IFNGR1: variants seen among roughly 807,000 people sequenced by gnomAD.
IFNGR1 encodes the protein interferon gamma receptor 1.
A neutral mutation model predicts 35.4 loss-of-function variants in IFNGR1; 23 were observed. The ratio of observed to expected loss-of-function variants is 0.65; its 90% CI spans 0.47 to 0.92. The LOEUF (loss-of-function observed/expected upper bound fraction) is 0.92. Among genes scored for constraint, IFNGR1 ranks in the 40% least tolerant of loss-of-function variants. IFNGR1 has a pLI of 0.00. For synonymous variants in IFNGR1, 199 were observed against 209.5 expected (o/e 0.95, Z 0.43); for missense variants, 533 against 583.4 (o/e 0.91, Z 0.89).
intron 1 of IFNGR1, chr6:137,209,848 AC>A (rs1779534895): frequency 2.5e-6 from 1 of 398,688 alleles, no homozygotes; most frequent in African/African-American, 2.1e-5. Flanking sequence ...AGGAATAGAT[AC>A]CTAAAGATTG....
intron 2 of IFNGR1, 65 bp downstream of exon 2, chr6:137,206,898 T>A: frequency 8.2e-7 from 1 of 1,225,666 alleles, no homozygotes; most frequent in African/African-American, 1.5e-5. Context: ...AGAACACAGT[T>A]GTGGAATTTC....
Position 137,204,482 on chromosome 6 carries a change from C to T in IFNGR1, c.396G>A (p.Leu132=), listed in dbSNP as rs564478099. The part of the protein sequence containing the change: ...CRDGKIGPPK[L]DIRKEEKQIM... ...TTTGCTTCTCCTCCTTTCTGATATC[C>T]AGTTTAGGTGGTCCAATTTTTCCTG... Residue 132 remains leucine, a synonymous_variant, in exon 4 of 7, where the codon CTG becomes CTA. Transcript: ENST00000367739. The T allele has an allele frequency of 1.2e-6, 2 of 1,613,842 alleles. No homozygotes were observed. Among genetic ancestry groups the T allele is most frequent in the African/African-American group, 1.3e-5 (1 of 75,022 alleles).
intron 1 of IFNGR1, among the ~76,000 whole-genome samples, chr6:137,207,467 G>T (rs1020910660): frequency 6.6e-6 from 1 of 152,042 alleles, no homozygotes; most frequent in Non-Finnish European, 1.5e-5. Flanking sequence ...ATAGGGTTTG[G>T]CTGTGTCCCC....
In IFNGR1 at chr6:137,219,247, G is replaced by A. The variant is rs762714191; in HGVS notation, c.81C>T (p.Ser27=). The part of the protein sequence containing the change: ...AEMGTADLGP[S]SVPTPTNVTI... ...CCCTGCCGCGAACGACGGTACCTGA[G>A]GACGGCCCCAGATCCGCGGTGCCCA... The change falls in exon 1 of 7, where the codon TCC becomes TCT. Residue 27 remains serine (S), a synonymous_variant. Coordinates refer to ENST00000367739, the MANE Select transcript of IFNGR1 (RefSeq NM_000416.3). The A allele has an allele frequency of 3.7e-6, 6 of 1,609,786 alleles. No homozygotes were observed. In the African/African-American group the frequency reaches 8.0e-5, roughly 21 times the overall value.
At chr6:137,215,168 GTT>G in intron 1 of IFNGR1, 3 of 1,436,088 alleles carry the variant, frequency 2.1e-6, no homozygotes, top group Non-Finnish European at 2.8e-6. Flanking sequence ...GCTTAGAGAA[GTT>G]ACGTAACTTG....
At chr6:137,218,739 T>C in intron 1 of IFNGR1, 1 of 350,526 alleles carries the variant, frequency 2.9e-6, no homozygotes. Context: ...AGGCAATTTC[T>C]TCGGGCAGTA....
intron 5 of IFNGR1, among the ~76,000 whole-genome samples, chr6:137,202,855 AT>A (rs1209011553): frequency 6.6e-6 from 1 of 152,080 alleles, no homozygotes; most frequent in Non-Finnish European, 1.5e-5. Context: ...GAACACTTAC[AT>A]TTCCTAACTG....
chr6:137,211,780 C>A (rs1279787437), intron 1 of IFNGR1, among the ~76,000 whole-genome samples: 1 of 152,138 alleles, frequency 6.6e-6, no homozygotes, highest in African/African-American at 2.4e-5. Context: ...ACTTCACAAT[C>A]CATATTTTAG....
intron 2 of IFNGR1, 74 bp downstream of exon 2, chr6:137,206,888 AG>A: frequency 8.7e-7 from 1 of 1,152,806 alleles, no homozygotes; most frequent in Non-Finnish European, 1.3e-6. Flanking sequence ...GGCTGATGAA[AG>A]AACACAGTTG....
intron 4 of IFNGR1, 47 bp from the exon 5 acceptor site, chr6:137,203,732 T>TTAA: frequency 7.2e-7 from 1 of 1,381,182 alleles, no homozygotes; most frequent in Middle Eastern, 1.8e-4. Context: ...TCTTTTAATC[T>TTAA]GAAAAAAAAA....
In IFNGR1 at chr6:137,206,961, A is replaced by AC; in HGVS notation, c.200+1dup. The AC allele has an allele frequency of 6.3e-7, 1 of 1,592,996 alleles. No homozygotes were observed. Among genetic ancestry groups the AC allele is most frequent in the Non-Finnish European group, 8.6e-7 (1 of 1,160,808 alleles). ...AAGGATAAATAAAAGAGTGACACTC[A>AC]CCCATAGTTCTTTACCTCTACGGTA... On this transcript the variant is annotated splice_donor_variant, in intron 2 of 6. Coordinates refer to ENST00000367739, the MANE Select transcript of IFNGR1 (RefSeq NM_000416.3). LOFTEE classifies it high-confidence loss of function.
At chr6:137,214,558 T>C (rs915731587) in intron 1 of IFNGR1, among the ~76,000 whole-genome samples, 2 of 152,204 alleles carry the variant, frequency 1.3e-5, no homozygotes, top group Non-Finnish European at 2.9e-5. Context: ...ACCTCCCCTA[T>C]ATTTTTCCCT....
intron 5 of IFNGR1, among the ~76,000 whole-genome samples, chr6:137,201,315 C>T (rs1341851203): frequency 6.6e-6 from 1 of 152,090 alleles, no homozygotes; most frequent in Non-Finnish European, 1.5e-5. Context: ...AGTGTGTTTC[C>T]AGGGTTATGC....
In IFNGR1 at chr6:137,199,404, TTATAA is replaced by T. The variant is rs1387114732; in HGVS notation, c.862-770_862-766del. 9.7e-4 allele frequency among the ~76,000 whole-genome samples: 119 copies of T among 122,388 alleles called. 2 individuals carry two copies. In the East Asian group the frequency reaches 0.013, roughly 13 times the overall value. The allele number at this position is 122,388 out of a possible 152,430, so 80.3% of individuals were successfully genotyped here. ...ATTTATATTACATAAAATATATAAT[TTATAA>T]TATATTATATAAACATATAATTTAT... On this transcript the variant is annotated intron_variant, in intron 6 of 6. Coordinates refer to ENST00000367739, the MANE Select transcript of IFNGR1 (RefSeq NM_000416.3).
intron 1 of IFNGR1, 68 bp from the exon 2 acceptor site, chr6:137,207,145 T>C: frequency 6.3e-7 from 1 of 1,586,918 alleles, no homozygotes; most frequent in Non-Finnish European, 8.6e-7. Context: ...AAAGCCTTAT[T>C]GTAAGATGCC....
chr6:137,202,840 A>G (rs1300831449), intron 5 of IFNGR1, among the ~76,000 whole-genome samples: 1 of 152,190 alleles, frequency 6.6e-6, no homozygotes, highest in Non-Finnish European at 1.5e-5. Flanking sequence ...TAAATTATCT[A>G]TAATGAACAC....
chr6:137,199,312 TATATA>T (rs963598517), intron 6 of IFNGR1, among the ~76,000 whole-genome samples: 10 of 133,090 alleles, frequency 7.5e-5, no homozygotes, highest in African/African-American at 1.1e-4. Flanking sequence ...TAATATATAT[TATATA>T]ATATATAATT....
chr6:137,202,267 C>A (rs1779294676), intron 5 of IFNGR1, among the ~76,000 whole-genome samples: 1 of 152,216 alleles, frequency 6.6e-6, no homozygotes, highest in Non-Finnish European at 1.5e-5. Context: ...GCTCAGGAGC[C>A]ACGGCAATGC....
At chr6:137,219,184 CG>C in intron 1 of IFNGR1, 58 bp downstream of exon 1, 1 of 1,550,180 alleles carries the variant, frequency 6.5e-7, no homozygotes, top group Non-Finnish European at 8.7e-7. Flanking sequence ...CCGGCTGGGG[CG>C]GATCCCTCCC....
Sources: allele counts gnomAD v4.1 joint callset (sites outside exome capture counted in the v4.1 genomes callset), GRCh38; gene constraint gnomAD v4.1.1; transcripts MANE v1.5; gene names NCBI Gene and HGNC (gene_info 2026-07-23, HGNC 2026-07-21).